PVT1: variants seen among roughly 807,000 people sequenced by gnomAD.
PVT1 encodes Pvt1 oncogene, also known as CXCR4/PVT1 fusion.
intron 4 of PVT1, among the ~76,000 whole-genome samples, chr8:128,059,005 T>C (rs1813798028): frequency 6.6e-6 from 1 of 152,168 alleles, no homozygotes; most frequent in Non-Finnish European, 1.5e-5. Flanking sequence ...CCTTGCTTTG[T>C]GCAACACACA....
chr8:128,070,108 T>A (rs1380034233), intron 4 of PVT1: 2 of 152,174 alleles, frequency 1.3e-5, no homozygotes, highest in Admixed American at 1.3e-4. Context: ...CAAATGGGAT[T>A]CTGCTATAGA....
At chr8:128,065,780 C>T (rs1813902095) in intron 4 of PVT1, among the ~76,000 whole-genome samples, 2 of 152,200 alleles carry the variant, frequency 1.3e-5, no homozygotes, top group Non-Finnish European at 2.9e-5. Context: ...AACTTCTTAG[C>T]AGCCCACTGA....
intron 2 of PVT1, among the ~76,000 whole-genome samples, chr8:127,866,110 G>T (rs568767244): frequency 6.6e-6 from 1 of 152,236 alleles, no homozygotes; most frequent in East Asian, 1.9e-4. Flanking sequence ...TTCCTCTCCT[G>T]CCCTGCTGTT....
intron 3 of PVT1, among the ~76,000 whole-genome samples, chr8:127,942,795 A>G (rs1257277679): frequency 6.6e-6 from 1 of 152,218 alleles, no homozygotes; most frequent in African/African-American, 2.4e-5. Context: ...GAAGCTGCGC[A>G]TCGACTCTCC....
intron 6 of PVT1, among the ~76,000 whole-genome samples, chr8:128,098,996 A>G (rs1216243583): frequency 2.0e-5 from 3 of 152,202 alleles, no homozygotes. Context: ...TAATTTCACG[A>G]AAGTTATCTT....
intron 4 of PVT1, among the ~76,000 whole-genome samples, chr8:128,025,230 G>A (rs1404082354): frequency 6.6e-6 from 1 of 152,152 alleles, no homozygotes; most frequent in Non-Finnish European, 1.5e-5. Flanking sequence ...TACGGAAGCA[G>A]GATGCCTTCC....
At chr8:127,925,533 G>A (rs1281395333) in intron 3 of PVT1, among the ~76,000 whole-genome samples, 1 of 152,140 alleles carries the variant, frequency 6.6e-6, no homozygotes, top group Non-Finnish European at 1.5e-5. Flanking sequence ...CCATATGGTG[G>A]GCACTATGGT....
intron 5 of PVT1, among the ~76,000 whole-genome samples, chr8:128,087,747 C>CTTTTTTTT (rs71568675): frequency 2.2e-4 from 17 of 76,588 alleles, no homozygotes; most frequent in African/African-American, 7.8e-4. Flanking sequence ...TGATGTGCTA[C>CTTTTTTTT]TTTTTTTTTT....
intron 2 of PVT1, chr8:127,854,895 T>G (rs1815145339): frequency 8.6e-6 from 3 of 347,792 alleles, no homozygotes; most frequent in Admixed American, 9.5e-5. Flanking sequence ...ATGCTCAGTG[T>G]GCACTGAGGT....
chr8:127,980,618 A>G (rs1474245906), intron 3 of PVT1, among the ~76,000 whole-genome samples: 1 of 151,870 alleles, frequency 6.6e-6, no homozygotes, highest in Admixed American at 6.6e-5. Flanking sequence ...TGCTTCACTT[A>G]CCTTCATTGA....
chr8:127,828,785 G>T (rs1217538415), intron 2 of PVT1, among the ~76,000 whole-genome samples: 6 of 151,952 alleles, frequency 3.9e-5, no homozygotes, highest in Admixed American at 1.3e-4. Context: ...ATTTGTCTTT[G>T]CACGGGATGG....
chr8:127,918,427 C>T (rs189642583), intron 3 of PVT1, among the ~76,000 whole-genome samples: 1 of 152,296 alleles, frequency 6.6e-6, no homozygotes, highest in Non-Finnish European at 1.5e-5. Context: ...GATCTGTGTC[C>T]TCATTTGTCA....
intron 3 of PVT1, among the ~76,000 whole-genome samples, chr8:127,906,543 G>A (rs914390137): frequency 6.6e-6 from 1 of 152,104 alleles, no homozygotes; most frequent in East Asian, 1.9e-4. Context: ...TTGGTGTGAC[G>A]AATGGGTGAG....
chr8:128,047,700 A>G (rs1813635515), intron 4 of PVT1, among the ~76,000 whole-genome samples: 1 of 152,240 alleles, frequency 6.6e-6, no homozygotes, highest in Admixed American at 6.5e-5. Context: ...AATGCTCATT[A>G]GTTAGTGATT....
At chr8:128,078,747 A>G (rs1814129145) in intron 5 of PVT1, among the ~76,000 whole-genome samples, 1 of 152,220 alleles carries the variant, frequency 6.6e-6, no homozygotes. Flanking sequence ...TTGGTAACAT[A>G]CTATCAATTA....
rs76040319 is a variant in PVT1, at chr8:128,046,869, A to C, written n.913-23291A>C. Among the ~76,000 whole-genome samples the C allele has an allele frequency of 5.1e-3, 777 of 152,236 alleles. 8 individuals are homozygous for C. Among genetic ancestry groups the C allele is most frequent in the African/African-American group, 0.018 (729 of 41,536 alleles). The stretch of plus-strand genomic sequence containing the variant: ...GCTCTTAGTTTCTCCATCTCTAATC[A>C]CGTAGATTACAGCCCTTTCTTTGGT... On this transcript the variant is annotated intron_variant and non_coding_transcript_variant, in intron 4 of 10. Transcript: ENST00000651587.
At chr8:128,051,070 T>C (rs1222120104) in intron 4 of PVT1, among the ~76,000 whole-genome samples, 6 of 152,268 alleles carry the variant, frequency 3.9e-5, no homozygotes, top group Admixed American at 6.5e-5. Context: ...TATGGGACGA[T>C]TGAGTATTCA....
At chr8:127,902,199 G>A (rs752593892) in intron 3 of PVT1, among the ~76,000 whole-genome samples, 2 of 152,084 alleles carry the variant, frequency 1.3e-5, no homozygotes, top group Non-Finnish European at 2.9e-5. Flanking sequence ...GTTTTGGCAC[G>A]GAAAGTCCAA....
intron 3 of PVT1, among the ~76,000 whole-genome samples, chr8:127,928,563 C>G (rs887347151): frequency 6.6e-6 from 1 of 152,324 alleles, no homozygotes; most frequent in East Asian, 1.9e-4. Flanking sequence ...GACCTAAGCT[C>G]GATTCCGAGA....
Sources: gnomAD v4.1 joint callset for allele counts (sites outside exome capture counted in the v4.1 genomes callset) on GRCh38, gnomAD v4.1.1 for gene constraint, MANE v1.5 for transcripts, NCBI Gene and HGNC (gene_info 2026-07-23, HGNC 2026-07-21) for gene names.